Variants in TECPR1 observed in about 807,000 individuals in gnomAD.
TECPR1 encodes tectonin beta-propeller repeat containing 1.
A neutral mutation model predicts 162.4 loss-of-function variants in TECPR1; 122 were observed. The observed-to-expected ratio is 0.75, with a 90% CI of 0.65 to 0.87. The LOEUF (loss-of-function observed/expected upper bound fraction) is 0.87. TECPR1 is among the 40% of genes least tolerant of loss of function. The pLI, the probability that TECPR1 is intolerant of heterozygous loss-of-function variation, is 0.00. For missense variants in TECPR1, 1,432 were observed against 1,618.2 expected (o/e 0.88, Z 1.97); for synonymous variants, 642 against 670.6 (o/e 0.96, Z 0.66).
chr7:98,241,312 G>A lies in TECPR1; in HGVS notation c.658-68C>T, dbSNP rs751047621. On this transcript the variant is annotated intron_variant, in intron 6 of 25. Transcript: ENST00000447648. The surrounding 1 kb of genome is among the most constrained non-coding windows in gnomAD (Gnocchi z 5.0). Reference sequence around the variant, plus strand: ...CACACCAGCCAAGCACGGGGGTCTCGGTGTGGTAGGGGGTAGGACCCATGT... The same window carrying A: ...CACACCAGCCAAGCACGGGGGTCTCAGTGTGGTAGGGGGTAGGACCCATGT... The A allele has an allele frequency of 2.9e-5, 45 of 1,577,648 alleles. No homozygotes were observed. The highest frequency in any genetic ancestry group is 3.4e-4 in the Middle Eastern group (2 of 5,896).
intron 17 of TECPR1, among the ~76,000 whole-genome samples, 161 bp downstream of exon 17, chr7:98,227,852 GA>G (rs1249670618): frequency 6.8e-6 from 1 of 146,474 alleles, no homozygotes; most frequent in African/African-American, 2.5e-5. Flanking sequence ...AAGATTCAAG[GA>G]AAAAAATCTC....
chr7:98,232,870 C>T lies in TECPR1; in HGVS notation c.1775G>A (p.Arg592Gln), dbSNP rs1162024203. 23 of 1,612,498 alleles carry T rather than the reference C, an allele frequency of 1.4e-5. No homozygotes were observed. The highest frequency in any genetic ancestry group is 4.0e-5 in the African/African-American group (3 of 74,914). ...GTAGTGTCTGAAGTTCTCCAGCTCC[C>T]GCTTGGTCCTTTCCGTGAGCTGCTG... ...IFQQLTERTK[R>Q]ELENFRHYEQ... Residue 592 changes from arginine to glutamine, a missense_variant, in exon 12 of 26, where the codon CGG becomes CAG. Coordinates refer to ENST00000447648, the MANE Select transcript of TECPR1 (RefSeq NM_015395.3). This position sits in a 1 kb window ranked among gnomAD's most constrained non-coding sequence, Gnocchi z 4.6.
In TECPR1 at chr7:98,233,681, C is replaced by T; in HGVS notation, c.1412G>A (p.Arg471Lys). 1.2e-6 allele frequency: 2 copies of T among 1,607,354 alleles called. No individual in the cohort carries two copies. Among genetic ancestry groups the T allele is most frequent in the Non-Finnish European group, 1.7e-6 (2 of 1,176,232 alleles). Residue 471 changes from arginine to lysine, a missense_variant, in exon 11 of 26, where the codon AGA (arginine) becomes AAA (lysine). Physicochemically the swap from Arg to Lys is conservative, Grantham distance 26. Transcript: ENST00000447648. Reference protein sequence around the residue: ...ACPAEGSREARPNTHPGPAPT... With the variant: ...ACPAEGSREAKPNTHPGPAPT... ...GGCCGGGCCGGGGTGCGTGTTGGGT[C>T]TGGCCTCCCTGCTGCCCTCGGCTGG...
At chr7:98,240,706 C>T in intron 8 of TECPR1, 145 bp downstream of exon 8, 3 of 716,568 alleles carry the variant, frequency 4.2e-6, no homozygotes, top group South Asian at 2.0e-5. Context: ...TGAGCCACTG[C>T]ACCCGGCCTG....
chr7:98,242,063 G>A (rs1798764378), intron 6 of TECPR1, among the ~76,000 whole-genome samples: 1 of 152,202 alleles, frequency 6.6e-6, no homozygotes, highest in South Asian at 2.1e-4. Context: ...CAGTCCTGGG[G>A]CAGCTCCCTC....
In TECPR1 at chr7:98,217,698, G is replaced by A. The variant is rs1165788605; in HGVS notation, c.3378C>T (p.Gly1126=). 1.9e-6 allele frequency: 3 copies of A among 1,544,288 alleles called. No individual in the cohort carries two copies. The highest frequency in any genetic ancestry group is 2.6e-6 in the Non-Finnish European group (3 of 1,143,622). The change falls in exon 25 of 26, where the codon GGC becomes GGT. Residue 1126 remains glycine, a synonymous_variant. Coordinates refer to ENST00000447648, the MANE Select transcript of TECPR1 (RefSeq NM_015395.3). ...HEPKGHGWDY[G]IGGGWDHISV... ...GGCCGCGGGCCCCGCTCACCCCGAT[G>A]CCGTAGTCCCAGCCGTGGCCCTTGG...
chr7:98,244,082 G>C (rs1293407153), intron 5 of TECPR1, among the ~76,000 whole-genome samples: 1 of 152,090 alleles, frequency 6.6e-6, no homozygotes, highest in Non-Finnish European at 1.5e-5. Flanking sequence ...AAAAAAATAG[G>C]GCCAGCTCCC....
intron 9 of TECPR1, among the ~76,000 whole-genome samples, chr7:98,237,530 G>A (rs1035350994): frequency 3.3e-5 from 5 of 152,142 alleles, no homozygotes; most frequent in African/African-American, 7.2e-5. Flanking sequence ...GTGCAGTGGC[G>A]TGATTTCGGC....
intron 2 of TECPR1, among the ~76,000 whole-genome samples, chr7:98,250,080 C>T (rs1799023384): frequency 1.3e-5 from 2 of 152,160 alleles, no homozygotes; most frequent in Admixed American, 1.3e-4. Flanking sequence ...TGATCTAAGA[C>T]AGAAATACTT....
At chr7:98,244,816 A>T (rs1379704943) in intron 4 of TECPR1, 69 bp downstream of exon 4, 3 of 1,597,490 alleles carry the variant, frequency 1.9e-6, no homozygotes, top group Non-Finnish European at 2.6e-6. Flanking sequence ...TGCAGGGGAC[A>T]GAAGCAGGGA....
intron 21 of TECPR1, chr7:98,222,728 C>T: frequency 1.2e-6 from 1 of 805,414 alleles, no homozygotes; most frequent in Admixed American, 2.7e-5. Flanking sequence ...GAAAGCGCCC[C>T]CGTGGGCGTG....
rs749980071 is a variant in TECPR1, at chr7:98,232,959, CGAG to C, written c.1683_1685del (p.Ser562del). On this transcript the variant is annotated inframe_deletion, in exon 12 of 26. Transcript: ENST00000447648. This position sits in a 1 kb window ranked among gnomAD's most constrained non-coding sequence, Gnocchi z 4.6. Reference sequence around the variant, plus strand: ...TGATGGACAGGGACAGCATGTGTACCGAGGAGGACAGGCCTGTGGGGCAGAGAG... The same window carrying C: ...TGATGGACAGGGACAGCATGTGTACCGAGGACAGGCCTGTGGGGCAGAGAG... The C allele has an allele frequency of 7.5e-5, 121 of 1,611,562 alleles. No individual in the cohort carries two copies. In the African/African-American group the frequency reaches 1.4e-3, roughly 18 times the overall value.
intron 2 of TECPR1, among the ~76,000 whole-genome samples, chr7:98,248,927 C>A (rs1038541348): frequency 3.4e-5 from 5 of 149,072 alleles, no homozygotes; most frequent in African/African-American, 1.2e-4. Flanking sequence ...TCTTCCTCTA[C>A]TCCCAGGCTG....
At chr7:98,246,748 A>G (rs1475452067) in intron 2 of TECPR1, among the ~76,000 whole-genome samples, 1 of 150,920 alleles carries the variant, frequency 6.6e-6, no homozygotes, top group Non-Finnish European at 1.5e-5. Flanking sequence ...ACGCCTGGCT[A>G]ATTTTTGTAT....
intron 23 of TECPR1, among the ~76,000 whole-genome samples, chr7:98,221,354 T>C (rs2116532889): frequency 6.6e-6 from 1 of 152,274 alleles, no homozygotes; most frequent in South Asian, 2.1e-4. Context: ...GGATTGTTTG[T>C]AACATAAAGG....
chr7:98,231,964 G>T lies in TECPR1; in HGVS notation c.1819-5C>A. ...CCCGGTCTTCACCCACACCGACTGCGCAGGCCGGGGCAGTGGACACCATCA... is the reference window on the plus strand; with the variant it reads ...CCCGGTCTTCACCCACACCGACTGCTCAGGCCGGGGCAGTGGACACCATCA... On this transcript the variant is annotated splice_polypyrimidine_tract_variant and splice_region_variant and intron_variant, in intron 12 of 25. Transcript: ENST00000447648. 1.3e-6 allele frequency: 2 copies of T among 1,595,870 alleles called. No individual in the cohort carries two copies. The highest frequency in any genetic ancestry group is 1.7e-6 in the Non-Finnish European group (2 of 1,176,030).
intron 9 of TECPR1, among the ~76,000 whole-genome samples, chr7:98,238,087 T>C (rs1191598416): frequency 1.3e-5 from 2 of 152,164 alleles, no homozygotes; most frequent in African/African-American, 4.8e-5. Context: ...TGTTTTTTTT[T>C]TAAGATGTAA....
At chr7:98,245,485 T>G (rs1584358454) in intron 3 of TECPR1, among the ~76,000 whole-genome samples, 1 of 152,064 alleles carries the variant, frequency 6.6e-6, no homozygotes, top group South Asian at 2.1e-4. Flanking sequence ...AGGGGCGGGG[T>G]GCAGGGGGAC....
At chr7:98,221,439 C>G (rs1403128835) in intron 23 of TECPR1, among the ~76,000 whole-genome samples, 2 of 151,970 alleles carry the variant, frequency 1.3e-5, no homozygotes, top group African/African-American at 4.8e-5. Context: ...ATCTCATGTA[C>G]CCCATAAATA....
Sources: allele counts gnomAD v4.1 joint callset (sites outside exome capture counted in the v4.1 genomes callset), GRCh38; gene constraint gnomAD v4.1.1; non-coding constraint Gnocchi (gnomAD v3.1); transcripts MANE v1.5; gene names NCBI Gene and HGNC (gene_info 2026-07-23, HGNC 2026-07-21).